Variants in XKR6 observed in about 807,000 individuals in gnomAD.
The protein encoded by XKR6 is XK related 6, also known as XK-related protein 6.
Under a neutral mutation model 56.7 loss-of-function variants are expected in XKR6, and 22 were observed. The ratio of observed to expected loss-of-function variants is 0.39; its 90% CI spans 0.28 to 0.55. The LOEUF (loss-of-function observed/expected upper bound fraction) is 0.55, where lower values mean the gene tolerates loss of function less well. Ranked by LOEUF, XKR6 falls within the 20% of genes least tolerant of loss-of-function variation. The pLI is 0.66. For synonymous variants in XKR6, 524 were observed against 387.8 expected (o/e 1.35, Z -4.13); for missense variants, 852 against 889.0 (o/e 0.96, Z 0.53).
chr8:11,125,180 C>A (rs572045590), intron 1 of XKR6, among the ~76,000 whole-genome samples: 1 of 151,796 alleles, frequency 6.6e-6, no homozygotes, highest in South Asian at 2.1e-4. Context: ...AGGGAGTGCA[C>A]AGGTCACATG....
chr8:10,926,623 C>G (rs1800894108), intron 1 of XKR6, among the ~76,000 whole-genome samples: 1 of 152,256 alleles, frequency 6.6e-6, no homozygotes. Context: ...AGGCCAGGTC[C>G]TTCCAGGTAT....
intron 1 of XKR6, chr8:11,063,087 G>A (rs1799881176): frequency 3.1e-6 from 1 of 318,754 alleles, no homozygotes; most frequent in Admixed American, 4.6e-5. Context: ...TTAAGGCTGG[G>A]TGCAGTGGCT....
chr8:10,924,792 C>T lies in XKR6; in HGVS notation c.803G>A (p.Arg268Gln), dbSNP rs758968294. The T allele has an allele frequency of 4.8e-5, 77 of 1,613,994 alleles. No individual in the cohort carries two copies. The highest frequency in any genetic ancestry group is 6.0e-5 in the Non-Finnish European group (71 of 1,179,966). ...GAAGCGTCGCTGGTGTTCCTTCCGC[C>T]GCTGGCTCTGAATCCCCAGGTACAT... is the stretch of plus-strand genomic sequence containing the variant. Reference protein sequence around the residue: ...RTMYLGIQSQRRKEHQRRFYW... With the variant: ...RTMYLGIQSQQRKEHQRRFYW... The change falls in exon 2 of 3, where the codon CGG (arginine) becomes CAG (glutamine). Residue 268 changes from arginine to glutamine, a missense_variant. Physicochemically the swap from Arg to Gln is conservative, Grantham distance 43 (BLOSUM62 1). Coordinates refer to ENST00000416569, the MANE Select transcript of XKR6 (RefSeq NM_173683.4).
At chr8:11,198,779 G>C (rs1164304352) in intron 1 of XKR6, among the ~76,000 whole-genome samples, 1 of 151,924 alleles carries the variant, frequency 6.6e-6, no homozygotes, top group African/African-American at 2.4e-5. Context: ...CCCACACTTC[G>C]GCTTGTTCAG....
intron 1 of XKR6, among the ~76,000 whole-genome samples, chr8:11,090,728 GTCTT>G: frequency 6.6e-6 from 1 of 151,774 alleles, no homozygotes; most frequent in Non-Finnish European, 1.5e-5. Flanking sequence ...TATAAATTGG[GTCTT>G]TTTTTCCTTA....
At chr8:11,019,703 G>T (rs1586438738) in intron 1 of XKR6, among the ~76,000 whole-genome samples, 1 of 152,174 alleles carries the variant, frequency 6.6e-6, no homozygotes, top group Non-Finnish European at 1.5e-5. Flanking sequence ...ACCCTGGCAG[G>T]CCCCAGCCAC....
intron 1 of XKR6, among the ~76,000 whole-genome samples, chr8:11,130,957 A>C (rs1800074373): frequency 6.6e-6 from 1 of 152,126 alleles, no homozygotes; most frequent in Non-Finnish European, 1.5e-5. Context: ...TTCTGAGCAG[A>C]AGACCAAGAA....
intron 1 of XKR6, among the ~76,000 whole-genome samples, chr8:10,968,641 T>G (rs1357224143): frequency 6.6e-6 from 1 of 152,250 alleles, no homozygotes; most frequent in African/African-American, 2.4e-5. Context: ...TTCTCCCCAG[T>G]TGTCAGCTCA....
At chr8:11,156,986 C>T (rs1801554390) in intron 1 of XKR6, among the ~76,000 whole-genome samples, 2 of 152,182 alleles carry the variant, frequency 1.3e-5, no homozygotes, top group African/African-American at 2.4e-5. Flanking sequence ...CGGAGATGAA[C>T]CTCAGCCATG....
At chr8:11,195,386 T>C (rs78890029) in intron 1 of XKR6, among the ~76,000 whole-genome samples, 18 of 152,214 alleles carry the variant, frequency 1.2e-4, no homozygotes, top group Non-Finnish European at 2.6e-4. Flanking sequence ...TCTTTTTCTA[T>C]CCACTGATTA....
intron 1 of XKR6, among the ~76,000 whole-genome samples, chr8:10,988,166 C>T (rs1034797485): frequency 2.6e-5 from 4 of 152,222 alleles, no homozygotes; most frequent in Admixed American, 2.6e-4. Context: ...CCCCTTACCC[C>T]CACTTAACAT....
rs10093053 is a variant in XKR6, at chr8:11,179,678, T to A, written c.764+20898A>T. Among the ~76,000 whole-genome samples the A allele has an allele frequency of 1.1e-3, 165 of 152,080 alleles. 1 individual carries two copies. The highest frequency in any genetic ancestry group is 3.9e-3 in the African/African-American group (163 of 41,512). ...CATCATTCAGGTGCTCTTGGCCCAA[T>A]TGCTCGGTGTCAACACTGCAGGACT... On this transcript the variant is annotated intron_variant, in intron 1 of 2. Transcript: ENST00000416569.
Position 11,086,150 on chromosome 8 carries a change from T to TATATATATATATATATA in XKR6, c.764+114425_764+114426insTATATATATATATATAT, listed in dbSNP as rs1439777662. On this transcript the variant is annotated intron_variant, in intron 1 of 2. Coordinates refer to ENST00000416569, the MANE Select transcript of XKR6 (RefSeq NM_173683.4). ...AAAAAGAAAATATATATATATATAT[T>TATATATATATATATATA]TTTTTTTAAAAAAAACAAGCATAAT... 2.0e-3 allele frequency among the ~76,000 whole-genome samples: 231 copies of TATATATATATATATATA among 112,716 alleles called. 2 individuals carry two copies. Among genetic ancestry groups the TATATATATATATATATA allele is most frequent in the African/African-American group, 9.8e-3 (226 of 22,982 alleles). The allele number at this position is 112,716 out of a possible 152,430, so 73.9% of individuals were successfully genotyped here.
chr8:11,200,966 G>C lies in XKR6; in HGVS notation c.374C>G (p.Pro125Arg). 2 of 1,527,484 alleles carry C rather than the reference G, an allele frequency of 1.3e-6. No homozygotes were observed. Among genetic ancestry groups the C allele is most frequent in the Non-Finnish European group, 1.8e-6 (2 of 1,140,732 alleles). The allele number at this position is 1,527,484 out of a possible 1,614,324, so 94.6% of individuals were successfully genotyped here. A position where few individuals can be genotyped will look rare whatever the true frequency, so the allele number is the denominator to read the frequency against. ...PEPPPPQVER[P>R]WLDCLWIVLA... ...CACGATCCACAGGCAGTCGAGCCAC[G>C]GCCGCTCCACCTGCGGCGGCGGCGG... The change falls in exon 1 of 3, where the codon CCG (proline) becomes CGG (arginine). Residue 125 changes from proline to arginine, a missense_variant. This residue lies in a region of XKR6 where 417 missense variants were observed against 355.2 expected (regional missense o/e 1.17). Coordinates refer to ENST00000416569, the MANE Select transcript of XKR6 (RefSeq NM_173683.4). This position sits in a 1 kb window ranked among gnomAD's most constrained non-coding sequence, Gnocchi z 6.4.
chr8:11,084,366 T>C (rs1350841108), intron 1 of XKR6, among the ~76,000 whole-genome samples: 2 of 152,192 alleles, frequency 1.3e-5, no homozygotes, highest in Non-Finnish European at 1.5e-5. Flanking sequence ...GAAACTACTA[T>C]ATTGCTTTAA....
At chr8:11,113,434 T>G (rs1799004392) in intron 1 of XKR6, among the ~76,000 whole-genome samples, 1 of 152,210 alleles carries the variant, frequency 6.6e-6, no homozygotes, top group Non-Finnish European at 1.5e-5. Flanking sequence ...TGTATTATCT[T>G]CAACCAAAAA....
chr8:11,110,900 G>C (rs1377712973), intron 1 of XKR6, among the ~76,000 whole-genome samples: 1 of 151,186 alleles, frequency 6.6e-6, no homozygotes, highest in Non-Finnish European at 1.5e-5. Context: ...GCAGTGGTGC[G>C]ATCTCGGCTC....
Position 10,897,857 on chromosome 8 carries a change from C to T in XKR6, c.*95G>A. On this transcript the variant is annotated 3_prime_UTR_variant, in exon 3 of 3. Transcript: ENST00000416569. ...GGTGTTGGTGGTGGTGGCGGTGGTT[C>T]TGTGTATTGGGGGAAGGGAGGGTTA... 1.4e-6 allele frequency: 2 copies of T among 1,460,024 alleles called. No individual in the cohort carries two copies. Among genetic ancestry groups the T allele is most frequent in the Non-Finnish European group, 1.8e-6 (2 of 1,106,220 alleles). 90.4% of individuals were successfully genotyped at this position (1,460,024 alleles called of 1,614,324 possible). A position where few individuals can be genotyped will look rare whatever the true frequency, so the allele number is the denominator to read the frequency against.
At chr8:11,186,125 G>C (rs1477511749) in intron 1 of XKR6, among the ~76,000 whole-genome samples, 1 of 152,078 alleles carries the variant, frequency 6.6e-6, no homozygotes, top group Non-Finnish European at 1.5e-5. Context: ...ATCGTCTCTT[G>C]TACTCTGCAA....
Sources: allele counts gnomAD v4.1 joint callset (sites outside exome capture counted in the v4.1 genomes callset), GRCh38; gene constraint gnomAD v4.1.1; regional missense constraint gnomAD v4.1.1; non-coding constraint Gnocchi (gnomAD v3.1); transcripts MANE v1.5; gene names NCBI Gene and HGNC (gene_info 2026-07-23, HGNC 2026-07-21).